The following INSL6 variants were observed in gnomAD, a reference collection of about 807,000 sequenced individuals.
INSL6 encodes the protein insulin like 6.
In INSL6, 16 loss-of-function variants were observed where a neutral mutation model predicts 9.4. The observed-to-expected ratio is 1.70, with a 90% confidence interval of 1.15 to 2.59. The LOEUF (loss-of-function observed/expected upper bound fraction) is 2.59. INSL6 is among the 30% of genes most tolerant of loss of function. The pLI is 0.00. For synonymous variants in INSL6, 154 were observed against 96.9 expected, an observed-to-expected ratio of 1.59 and a Z score of -3.46; for missense variants, 391 against 257.3, an observed-to-expected ratio of 1.52 and a Z score of -3.56.
At chr9:5,041,956 C>T in the INSL6 span, 1 of 378,738 alleles carries the variant, frequency 2.6e-6, no homozygotes, top group Non-Finnish European at 5.1e-6. Context: ...GAATCTTCTC[C>T]GTGCGGCCCC....
the INSL6 span, among the ~76,000 whole-genome samples, chr9:4,993,553 T>G: frequency 6.6e-6 from 1 of 152,220 alleles, no homozygotes; most frequent in African/African-American, 2.4e-5. Flanking sequence ...CATGTTAATG[T>G]AGGTGACAGT....
the INSL6 span, among the ~76,000 whole-genome samples, chr9:5,013,660 T>C: frequency 6.6e-6 from 1 of 152,202 alleles, no homozygotes. Flanking sequence ...TTGTCAAAAT[T>C]CTATTTTCCT....
the INSL6 span, among the ~76,000 whole-genome samples, chr9:5,048,052 T>G: frequency 6.6e-6 from 1 of 152,200 alleles, no homozygotes; most frequent in Admixed American, 6.5e-5. Context: ...AGTATTGCCA[T>G]CACTCATTTT....
At chr9:5,049,637 C>T in the INSL6 span, among the ~76,000 whole-genome samples, 1 of 152,284 alleles carries the variant, frequency 6.6e-6, no homozygotes. Flanking sequence ...CGCTTCTAAG[C>T]TAAATTTTGG....
the INSL6 span, chr9:5,072,394 T>G: frequency 7.2e-5 from 61 of 843,788 alleles, no homozygotes; most frequent in Middle Eastern, 3.9e-4. Flanking sequence ...TACTTGCTTA[T>G]GGATTTAAAA....
At chr9:5,137,094 A>T (rs1392128003) in intron 2 of INSL6, among the ~76,000 whole-genome samples, 2 of 152,190 alleles carry the variant, frequency 1.3e-5, no homozygotes, top group South Asian at 2.1e-4. Context: ...AGAACTACAA[A>T]CCACTGCTCA....
the INSL6 span, chr9:5,096,644 C>T: frequency 6.6e-6 from 1 of 152,144 alleles, no homozygotes; most frequent in African/African-American, 2.4e-5. Flanking sequence ...CTTACTCAGC[C>T]ATTTTACCCT....
intron 2 of INSL6, among the ~76,000 whole-genome samples, chr9:5,140,350 C>T (rs1824472424): frequency 6.6e-6 from 1 of 152,120 alleles, no homozygotes; most frequent in African/African-American, 2.4e-5. Context: ...AATGACACCA[C>T]ACTTATATTA....
intron 2 of INSL6, among the ~76,000 whole-genome samples, chr9:5,154,552 G>C (rs1404335289): frequency 6.6e-6 from 1 of 152,152 alleles, no homozygotes; most frequent in Non-Finnish European, 1.5e-5. Context: ...TAGAATGGGA[G>C]AAAATTTTTG....
chr9:5,029,985 G>T, the INSL6 span: 1 of 1,278,246 alleles, frequency 7.8e-7, no homozygotes, highest in Non-Finnish European at 1.1e-6. Context: ...TTAATTGCAA[G>T]GTACTTAATA....
chr9:5,064,856 C>G, the INSL6 span: 1 of 1,481,558 alleles, frequency 6.7e-7, no homozygotes, highest in Non-Finnish European at 9.0e-7. Flanking sequence ...CTAAAAGGTG[C>G]TATTTCTTTT....
chr9:5,116,632 C>T, the INSL6 span, among the ~76,000 whole-genome samples: 4 of 152,080 alleles, frequency 2.6e-5, no homozygotes, highest in Non-Finnish European at 5.9e-5. Context: ...TTAATGAATA[C>T]AAGCTAATAA....
At chr9:5,081,942 C>A in the INSL6 span, 3 of 1,189,646 alleles carry the variant, frequency 2.5e-6, no homozygotes, top group Non-Finnish European at 2.4e-6. Flanking sequence ...AGTTCACTTT[C>A]TACAACATTT....
chr9:5,115,270 C>G, the INSL6 span, among the ~76,000 whole-genome samples: 2 of 152,218 alleles, frequency 1.3e-5, no homozygotes, highest in Admixed American at 6.5e-5. Context: ...AGACACTTCT[C>G]AAAAGAAGAC....
the INSL6 span, among the ~76,000 whole-genome samples, chr9:5,052,694 G>A: frequency 3.3e-5 from 5 of 152,086 alleles, no homozygotes; most frequent in South Asian, 2.1e-4. Flanking sequence ...TTTTGTTTGC[G>A]TGGATTTTCC....
the INSL6 span, among the ~76,000 whole-genome samples, chr9:4,998,450 T>A: frequency 6.6e-6 from 1 of 151,876 alleles, no homozygotes; most frequent in Admixed American, 6.6e-5. Flanking sequence ...AGAGACGGGG[T>A]TTCACCATGT....
chr9:5,021,985 T>C, the INSL6 span: 6 of 1,608,102 alleles, frequency 3.7e-6, no homozygotes, highest in Non-Finnish European at 4.3e-6. Context: ...AAAAAGACTC[T>C]GCATGGGAAT....
At chr9:5,039,966 A>C in the INSL6 span, among the ~76,000 whole-genome samples, 2 of 152,216 alleles carry the variant, frequency 1.3e-5, no homozygotes, top group African/African-American at 4.8e-5. Context: ...GGTTAATCAT[A>C]AATTTATATA....
chr9:5,138,404 C>G (rs12336875), intron 2 of INSL6, among the ~76,000 whole-genome samples: 1 of 151,952 alleles, frequency 6.6e-6, no homozygotes, highest in East Asian at 1.9e-4. Flanking sequence ...GTGCAGCCAT[C>G]AACAAGGATG....
Sources: gnomAD v4.1 joint callset for allele counts (sites outside exome capture counted in the v4.1 genomes callset) on GRCh38, gnomAD v4.1.1 for gene constraint, MANE v1.5 for transcripts, NCBI Gene and HGNC (gene_info 2026-07-23, HGNC 2026-07-21) for gene names.